Variants in CCSER1 observed in about 807,000 individuals in gnomAD.
CCSER1 encodes the protein coiled-coil serine rich protein 1, also known as serine-rich coiled-coil domain-containing protein 1.
A neutral mutation model predicts 82.0 loss-of-function variants in CCSER1; 41 were observed. The observed-to-expected ratio is 0.50, with a 90% CI of 0.39 to 0.65. CCSER1 has a LOEUF of 0.65. Ranked by LOEUF, CCSER1 falls within the 30% of genes least tolerant of loss-of-function variation. The pLI, the probability that CCSER1 is intolerant of heterozygous loss-of-function variation, is 0.00. For synonymous variants in CCSER1, 414 were observed against 383.9 expected (o/e 1.08, Z -0.92); for missense variants, 1,119 against 1,064.2 (o/e 1.05, Z -0.72).
At chr4:90,202,929 G>A (rs538973199) in intron 1 of CCSER1, among the ~76,000 whole-genome samples, 3 of 152,026 alleles carry the variant, frequency 2.0e-5, no homozygotes, top group Non-Finnish European at 4.4e-5. Flanking sequence ...ATATTATTTT[G>A]TTAAAATGTC....
intron 9 of CCSER1, among the ~76,000 whole-genome samples, chr4:91,084,226 C>T (rs527542399): frequency 6.6e-6 from 1 of 152,166 alleles, no homozygotes; most frequent in East Asian, 1.9e-4. Flanking sequence ...GCCACCATAC[C>T]CAGCCTCAAA....
intron 10 of CCSER1, among the ~76,000 whole-genome samples, chr4:91,396,767 A>T (rs1380001288): frequency 6.6e-6 from 1 of 152,056 alleles, no homozygotes; most frequent in African/African-American, 2.4e-5. Flanking sequence ...TTTTCCTTTG[A>T]TACCTAACCA....
At chr4:90,518,423 T>TA (rs1474865417) in intron 5 of CCSER1, among the ~76,000 whole-genome samples, 1 of 152,024 alleles carries the variant, frequency 6.6e-6, no homozygotes, top group Admixed American at 6.6e-5. Context: ...TATTTTCTAC[T>TA]AGGATATTAA....
At chr4:90,862,021 T>A (rs900042506) in intron 8 of CCSER1, among the ~76,000 whole-genome samples, 1 of 150,528 alleles carries the variant, frequency 6.6e-6, no homozygotes, top group Non-Finnish European at 1.5e-5. Flanking sequence ...AAAGGAACAA[T>A]GTTTTGATAA....
chr4:91,095,182 T>C (rs543772317), intron 10 of CCSER1, among the ~76,000 whole-genome samples: 15 of 152,314 alleles, frequency 9.8e-5, no homozygotes, highest in African/African-American at 3.1e-4. Flanking sequence ...CCCGGTCCCC[T>C]TCAGTCTAGT....
intron 8 of CCSER1, among the ~76,000 whole-genome samples, chr4:90,843,636 T>C (rs56059278): frequency 0.012 from 1,868 of 152,324 alleles, 49 homozygotes; most frequent in African/African-American, 0.043. Context: ...AATCATTCTC[T>C]CATACCTATT....
At chr4:90,558,342 AT>A in intron 5 of CCSER1, among the ~76,000 whole-genome samples, 1 of 152,190 alleles carries the variant, frequency 6.6e-6, no homozygotes, top group Non-Finnish European at 1.5e-5. Context: ...TATAGAAATA[AT>A]TGTAAAAACA....
intron 10 of CCSER1, among the ~76,000 whole-genome samples, chr4:91,094,159 G>A (rs116197137): frequency 0.019 from 2,937 of 152,204 alleles, 62 homozygotes; most frequent in African/African-American, 0.056. Flanking sequence ...GATTGTCCAC[G>A]TACTGGAGCA....
intron 7 of CCSER1, among the ~76,000 whole-genome samples, chr4:90,811,435 T>A (rs1758271414): frequency 6.6e-6 from 1 of 152,188 alleles, no homozygotes; most frequent in South Asian, 2.1e-4. Context: ...AGTGACAAAA[T>A]TAATTCCTGC....
intron 5 of CCSER1, among the ~76,000 whole-genome samples, chr4:90,543,610 G>T (rs1222931596): frequency 1.3e-5 from 2 of 152,118 alleles, no homozygotes; most frequent in African/African-American, 4.8e-5. Context: ...AGAGTCCATT[G>T]CAGCAGAGCT....
chr4:90,623,680 C>CT (rs1394277994), intron 5 of CCSER1, among the ~76,000 whole-genome samples: 1 of 152,158 alleles, frequency 6.6e-6, no homozygotes, highest in African/African-American at 2.4e-5. Context: ...GAGGGAAATG[C>CT]TGATTGCATC....
intron 6 of CCSER1, among the ~76,000 whole-genome samples, chr4:90,699,173 G>T (rs1174707366): frequency 2.0e-5 from 3 of 152,124 alleles, no homozygotes; most frequent in African/African-American, 7.2e-5. Flanking sequence ...CAAAAGTGTG[G>T]AAGGTCCTTG....
intron 4 of CCSER1, among the ~76,000 whole-genome samples, chr4:90,423,959 C>T (rs1003598158): frequency 1.3e-4 from 20 of 150,634 alleles, no homozygotes; most frequent in African/African-American, 4.4e-4. Flanking sequence ...GGCACAGTGG[C>T]GGGCGCCTGT....
chr4:90,385,520 C>T (rs188961855), intron 3 of CCSER1, among the ~76,000 whole-genome samples: 123 of 146,790 alleles, frequency 8.4e-4, no homozygotes, highest in African/African-American at 2.7e-3. Flanking sequence ...AGTGCAGTGG[C>T]GCGATCTCTG....
intron 10 of CCSER1, among the ~76,000 whole-genome samples, chr4:91,534,314 G>A (rs73838037): frequency 0.023 from 3,512 of 151,612 alleles, 53 homozygotes; most frequent in Middle Eastern, 0.037. Context: ...AATTCTTTCC[G>A]CTCTCTTCCT....
At chr4:90,372,733 G>C (rs369313192) in intron 3 of CCSER1, among the ~76,000 whole-genome samples, 7 of 151,534 alleles carry the variant, frequency 4.6e-5, no homozygotes, top group African/African-American at 1.7e-4. Flanking sequence ...CTGGGCAACA[G>C]AATGAAAACC....
chr4:90,427,311 T>C (rs1342058294), intron 4 of CCSER1, among the ~76,000 whole-genome samples: 3 of 151,912 alleles, frequency 2.0e-5, no homozygotes, highest in African/African-American at 7.2e-5. Context: ...ATATTTCTTG[T>C]CTTACACTCT....
At chr4:90,292,680 A>G (rs952045314) in intron 1 of CCSER1, among the ~76,000 whole-genome samples, 1 of 152,004 alleles carries the variant, frequency 6.6e-6, no homozygotes, top group Admixed American at 6.6e-5. Flanking sequence ...TACTTAAAAA[A>G]AAAGCTGCAA....
At chr4:91,368,705 C>A (rs1749813340) in intron 10 of CCSER1, among the ~76,000 whole-genome samples, 1 of 152,042 alleles carries the variant, frequency 6.6e-6, no homozygotes, top group Non-Finnish European at 1.5e-5. Context: ...AGTTTGGTAG[C>A]AATTTCATTT....
Sources: allele counts gnomAD v4.1 joint callset (sites outside exome capture counted in the v4.1 genomes callset), GRCh38; gene constraint gnomAD v4.1.1; transcripts MANE v1.5; gene names NCBI Gene and HGNC (gene_info 2026-07-23, HGNC 2026-07-21).